The following VPS13B variants were observed in gnomAD, a reference collection of about 807,000 sequenced individuals.
The protein encoded by VPS13B is vacuolar protein sorting 13 homolog B, also known as intermembrane lipid transfer protein VPS13B.
Under a neutral mutation model 426.4 loss-of-function variants are expected in VPS13B, and 285 were observed. That is an observed-to-expected ratio of 0.67 (90% CI 0.61 to 0.74). The LOEUF (loss-of-function observed/expected upper bound fraction) is 0.74, where lower values mean the gene tolerates loss of function less well. VPS13B is among the 30% of genes least tolerant of loss of function. The pLI is 0.00. For missense variants in VPS13B, 4,537 were observed against 4,782.6 expected, an observed-to-expected ratio of 0.95 and a Z score of 1.51; for synonymous variants, 1,676 against 1,676.4, an observed-to-expected ratio of 1.00 and a Z score of 0.01.
chr8:99,289,522 G>A (rs74378199), intron 19 of VPS13B, among the ~76,000 whole-genome samples: 1 of 152,240 alleles, frequency 6.6e-6, no homozygotes, highest in East Asian at 1.9e-4. Flanking sequence ...ATTTCCTTGA[G>A]ATAGCTGGAT....
In VPS13B at chr8:99,818,842, C is replaced by A. The variant is rs371609624; in HGVS notation, c.8575C>A (p.Gln2859Lys). 1 of 1,613,472 alleles carries A rather than the reference C, an allele frequency of 6.2e-7. No individual in the cohort carries two copies. The highest frequency in any genetic ancestry group is 1.3e-5 in the African/African-American group (1 of 74,762). Residue 2859 changes from glutamine (Q) to lysine (K), a missense_variant, in exon 47 of 62, where the codon CAA becomes AAA. By Grantham distance (53) the Gln-to-Lys change is moderately conservative. This residue lies in a region of VPS13B where 4,311 missense variants were observed against 4,474.3 expected (regional missense o/e 0.96). Coordinates refer to ENST00000357162, the MANE Select transcript of VPS13B (RefSeq NM_152564.5). ...AGGAAAAGGGCAGGAAAAACCACTG[C>A]AAAACATAGAACCTGACCTTGTACA... is the stretch of plus-strand genomic sequence containing the variant. ...IPGKGQEKPL[Q>K]NIEPDLVHHL...
intron 23 of VPS13B, among the ~76,000 whole-genome samples, chr8:99,451,863 G>T (rs1375661800): frequency 6.6e-6 from 1 of 152,152 alleles, no homozygotes. Flanking sequence ...TGTATCAAAC[G>T]GTGTTTAAAG....
intron 16 of VPS13B, among the ~76,000 whole-genome samples, chr8:99,184,921 C>T (rs556679132): frequency 1.7e-4 from 26 of 152,166 alleles, no homozygotes; most frequent in African/African-American, 4.3e-4. Flanking sequence ...AACCTGGAGG[C>T]GGAGGCTGCA....
At chr8:99,238,952 T>C (rs1463141795) in intron 17 of VPS13B, among the ~76,000 whole-genome samples, 1 of 152,142 alleles carries the variant, frequency 6.6e-6, no homozygotes, top group African/African-American at 2.4e-5. Context: ...GAGGAAGGTA[T>C]TTATTTGGCT....
At chr8:99,610,244 A>G (rs1336853330) in intron 33 of VPS13B, among the ~76,000 whole-genome samples, 11 of 152,188 alleles carry the variant, frequency 7.2e-5, no homozygotes, top group Admixed American at 3.9e-4. Context: ...TACTGGGCAA[A>G]TACCCAAAGG....
intron 3 of VPS13B, among the ~76,000 whole-genome samples, chr8:99,055,938 G>C (rs933662764): frequency 1.0e-4 from 15 of 148,084 alleles, no homozygotes; most frequent in Non-Finnish European, 1.8e-4. Flanking sequence ...AGAGGGTCTT[G>C]GTATGTTGAT....
chr8:99,387,863 G>C (rs574429501), intron 20 of VPS13B, among the ~76,000 whole-genome samples: 2 of 152,122 alleles, frequency 1.3e-5, no homozygotes, highest in Non-Finnish European at 2.9e-5. Flanking sequence ...TTGAAAATTA[G>C]CCAACTTATA....
chr8:99,079,687 A>G (rs1189171772), intron 3 of VPS13B, among the ~76,000 whole-genome samples: 1 of 152,126 alleles, frequency 6.6e-6, no homozygotes, highest in East Asian at 1.9e-4. Flanking sequence ...ACACTGTAAG[A>G]GAATTTCTGT....
At chr8:99,670,881 C>T (rs1830687461) in intron 35 of VPS13B, among the ~76,000 whole-genome samples, 1 of 152,080 alleles carries the variant, frequency 6.6e-6, no homozygotes. Context: ...TCTGTTCATC[C>T]ACTGATGAAT....
chr8:99,194,064 G>A (rs945207589), intron 17 of VPS13B, among the ~76,000 whole-genome samples: 2 of 152,120 alleles, frequency 1.3e-5, no homozygotes, highest in African/African-American at 4.8e-5. Context: ...GGTCAGGCGT[G>A]GAATTTTCTA....
At chr8:99,068,087 C>G (rs557278071) in intron 3 of VPS13B, among the ~76,000 whole-genome samples, 1 of 152,268 alleles carries the variant, frequency 6.6e-6, no homozygotes, top group Admixed American at 6.5e-5. Flanking sequence ...TTTTTCTTCT[C>G]CCTTGAGCCT....
chr8:99,203,252 T>C (rs1225070214), intron 17 of VPS13B, among the ~76,000 whole-genome samples: 34 of 151,956 alleles, frequency 2.2e-4, no homozygotes, highest in Admixed American at 2.2e-3. Flanking sequence ...AACAGAACCA[T>C]TGACAAAAAC....
Position 99,143,075 on chromosome 8 carries a change from C to T in VPS13B, c.1753C>T (p.Arg585Cys), listed in dbSNP as rs769956475. Residue 585 changes from arginine to cysteine, a missense_variant, in exon 13 of 62, where the codon CGT becomes TGT. Arg to Cys is a radical substitution (Grantham distance 180). Transcript: ENST00000357162. ...CCTTGTTATAGGTCCTCTTGATTTT[C>T]GTTTGGATAGCAGTGCGGTGCATAG... The part of the protein sequence containing the change: ...KSLVIGPLDF[R>C]LDSSAVHRIL... 20 of 1,613,848 alleles carry T rather than the reference C, an allele frequency of 1.2e-5. No individual in the cohort carries two copies. The highest frequency in any genetic ancestry group is 1.7e-5 in the Admixed American group (1 of 60,000).
intron 31 of VPS13B, among the ~76,000 whole-genome samples, chr8:99,558,190 C>G (rs72674651): frequency 0.26 from 40,024 of 151,936 alleles, 6,031 homozygotes; most frequent in East Asian, 0.45. Flanking sequence ...TCACAATAAT[C>G]CTACCAGGTA....
intron 44 of VPS13B, among the ~76,000 whole-genome samples, chr8:99,812,714 T>C (rs1273307665): frequency 3.3e-5 from 5 of 152,188 alleles, no homozygotes; most frequent in African/African-American, 1.2e-4. Context: ...CCTTTACTAC[T>C]CTAAAATCTC....
intron 19 of VPS13B, among the ~76,000 whole-genome samples, chr8:99,350,125 T>G (rs1563681895): frequency 6.6e-6 from 1 of 151,948 alleles, no homozygotes; most frequent in Non-Finnish European, 1.5e-5. Flanking sequence ...GTGTAGGCAT[T>G]AACTCGGTCA....
At chr8:99,278,482 CTG>C (rs1037725481) in intron 19 of VPS13B, among the ~76,000 whole-genome samples, 9 of 152,132 alleles carry the variant, frequency 5.9e-5, no homozygotes, top group African/African-American at 1.9e-4. Flanking sequence ...CAAATCAAAA[CTG>C]TTTTAGGCAG....
intron 36 of VPS13B, among the ~76,000 whole-genome samples, chr8:99,700,660 G>A (rs1302164566): frequency 6.6e-6 from 1 of 152,160 alleles, no homozygotes; most frequent in African/African-American, 2.4e-5. Flanking sequence ...GAAATCAACT[G>A]GCAGTGACAT....
intron 2 of VPS13B, among the ~76,000 whole-genome samples, chr8:99,019,139 C>G (rs1049635979): frequency 6.7e-6 from 1 of 149,820 alleles, no homozygotes; most frequent in Non-Finnish European, 1.5e-5. Flanking sequence ...TATGTAAGAT[C>G]AATGTTAGTG....
Sources: gnomAD v4.1 joint callset for allele counts (sites outside exome capture counted in the v4.1 genomes callset) on GRCh38, gnomAD v4.1.1 for gene constraint, gnomAD v4.1.1 regional missense constraint, MANE v1.5 for transcripts, NCBI Gene and HGNC (gene_info 2026-07-23, HGNC 2026-07-21) for gene names.